Variants in PTPRD observed in about 807,000 individuals in gnomAD.
PTPRD encodes receptor-type tyrosine-protein phosphatase delta.
Under a neutral mutation model 214.5 loss-of-function variants are expected in PTPRD, and 34 were observed. The observed-to-expected ratio is 0.16, with a 90% CI of 0.12 to 0.21. PTPRD has a LOEUF of 0.21. PTPRD is among the 10% of genes least tolerant of loss of function. The probability of loss-of-function intolerance (pLI) is 1.00; values close to 1 mark genes in which losing one functional copy is unlikely to be tolerated. For synonymous variants in PTPRD, 1,128 were observed against 845.7 expected (o/e 1.33, Z -5.79); for missense variants, 2,545 against 2,398.7 (o/e 1.06, Z -1.27).
At chr9:8,934,479 A>ATT (rs1567100134) in intron 11 of PTPRD, among the ~76,000 whole-genome samples, 3 of 4,244 alleles carry the variant, frequency 7.1e-4, no homozygotes, top group African/African-American at 1.8e-3. Context: ...ATATATATAA[A>ATT]TATATATATA....
chr9:10,355,145 A>C (rs930239568), intron 2 of PTPRD, among the ~76,000 whole-genome samples: 4 of 152,178 alleles, frequency 2.6e-5, no homozygotes, highest in African/African-American at 9.7e-5. Flanking sequence ...AATTCTACAA[A>C]ATTTTGACAT....
intron 3 of PTPRD, among the ~76,000 whole-genome samples, chr9:10,261,976 T>C (rs1446435205): frequency 6.6e-6 from 1 of 152,096 alleles, no homozygotes; most frequent in Non-Finnish European, 1.5e-5. Context: ...GGAATTAATA[T>C]GTCCAACAAA....
intron 2 of PTPRD, among the ~76,000 whole-genome samples, chr9:10,504,090 TG>T (rs1386002163): frequency 1.1e-5 from 1 of 88,404 alleles, no homozygotes; most frequent in Non-Finnish European, 2.0e-5. Flanking sequence ...CACTCCAGCA[TG>T]GGGCACAGAG....
At chr9:9,101,579 T>C (rs2099791419) in intron 10 of PTPRD, among the ~76,000 whole-genome samples, 1 of 152,154 alleles carries the variant, frequency 6.6e-6, no homozygotes, top group African/African-American at 2.4e-5. Flanking sequence ...ATAGGAAAAC[T>C]AATAAGAGAA....
chr9:10,001,018 G>T (rs191638988), intron 4 of PTPRD, among the ~76,000 whole-genome samples: 1 of 152,166 alleles, frequency 6.6e-6, no homozygotes, highest in Non-Finnish European at 1.5e-5. Context: ...TTTCGCAGCA[G>T]CACACAGGGT....
chr9:8,352,766 A>G (rs749290112), intron 39 of PTPRD, among the ~76,000 whole-genome samples: 3 of 152,166 alleles, frequency 2.0e-5, no homozygotes, highest in Non-Finnish European at 4.4e-5. Context: ...CACACAGACA[A>G]GATTTTACTA....
At chr9:8,833,241 T>G (rs2097335375) in intron 11 of PTPRD, among the ~76,000 whole-genome samples, 2 of 152,126 alleles carry the variant, frequency 1.3e-5, no homozygotes, top group Admixed American at 1.3e-4. Context: ...TGGACAGTAT[T>G]CTACTACCCC....
chr9:9,769,278 G>A (rs1447722171), intron 5 of PTPRD, among the ~76,000 whole-genome samples: 2 of 147,936 alleles, frequency 1.4e-5, no homozygotes, highest in Non-Finnish European at 3.0e-5. Flanking sequence ...CTTACAGGGT[G>A]GACAAGATAT....
intron 8 of PTPRD, among the ~76,000 whole-genome samples, chr9:9,487,395 C>A (rs950790313): frequency 6.6e-6 from 1 of 152,070 alleles, no homozygotes; most frequent in African/African-American, 2.4e-5. Flanking sequence ...CGAACTCATC[C>A]TTTTTTATGG....
Position 9,710,964 on chromosome 9 carries a change from G to A in PTPRD, c.-287+23569C>T, listed in dbSNP as rs576502099. Among the ~76,000 whole-genome samples, 6 of 151,856 alleles carry A rather than the reference G, an allele frequency of 4.0e-5. No homozygotes were observed. In the East Asian group the frequency reaches 9.7e-4, roughly 25 times the overall value. On this transcript the variant is annotated intron_variant, in intron 7 of 45. Coordinates refer to ENST00000381196, the MANE Select transcript of PTPRD (RefSeq NM_002839.4). ...ATGGTCCTAGTCTGAGAGCGAGCGA[G>A]CGAGAGAGAGCGTGTGTGTGTGTGT...
At chr9:10,129,098 C>T (rs1226558997) in intron 3 of PTPRD, among the ~76,000 whole-genome samples, 2 of 152,128 alleles carry the variant, frequency 1.3e-5, no homozygotes, top group African/African-American at 2.4e-5. Flanking sequence ...TGTATTTCAA[C>T]TCCTGATATG....
At chr9:8,376,551 A>C in intron 38 of PTPRD, 56 bp downstream of exon 38, 1 of 1,608,558 alleles carries the variant, frequency 6.2e-7, no homozygotes, top group Non-Finnish European at 8.5e-7. Context: ...TCTCAAAAGA[A>C]GCTTTCTTTA....
At chr9:10,435,317 A>G (rs986477471) in intron 2 of PTPRD, among the ~76,000 whole-genome samples, 1 of 151,926 alleles carries the variant, frequency 6.6e-6, no homozygotes, top group Non-Finnish European at 1.5e-5. Context: ...AAGGTATCCT[A>G]ATAGCACTTT....
intron 5 of PTPRD, among the ~76,000 whole-genome samples, chr9:9,833,520 T>C (rs1050201380): frequency 2.0e-5 from 3 of 151,732 alleles, no homozygotes; most frequent in East Asian, 3.9e-4. Flanking sequence ...ACCATTGTCA[T>C]TGATAACATC....
rs956052055 is a variant in PTPRD at position 9,989,562 on chromosome 9, G to A, written c.-472+44156C>T. Reference sequence around the variant, plus strand: ...CCCTTCTAGCTCCCCTTCTTGCCGAGAGCCACTTCCTCTGCTCACTAAAAT... The same window carrying A: ...CCCTTCTAGCTCCCCTTCTTGCCGAAAGCCACTTCCTCTGCTCACTAAAAT... On this transcript the variant is annotated intron_variant, in intron 4 of 45. Coordinates refer to ENST00000381196, the MANE Select transcript of PTPRD (RefSeq NM_002839.4). Among the ~76,000 whole-genome samples the A allele has an allele frequency of 1.6e-4, 24 of 152,094 alleles. 1 individual carries two copies. The highest frequency in any genetic ancestry group is 1.2e-3 in the Admixed American group (18 of 15,276).
At chr9:9,955,497 T>G (rs1267350011) in intron 4 of PTPRD, among the ~76,000 whole-genome samples, 1 of 151,006 alleles carries the variant, frequency 6.6e-6, no homozygotes, top group African/African-American at 2.4e-5. Context: ...GATATTTGGG[T>G]TTTCGTTTTT....
At chr9:9,974,577 C>T (rs2095281786) in intron 4 of PTPRD, among the ~76,000 whole-genome samples, 1 of 152,116 alleles carries the variant, frequency 6.6e-6, no homozygotes, top group African/African-American at 2.4e-5. Flanking sequence ...TGAATCTAGA[C>T]CTAATTACCC....
intron 4 of PTPRD, among the ~76,000 whole-genome samples, chr9:9,959,046 C>T (rs1009144557): frequency 5.3e-5 from 8 of 152,162 alleles, no homozygotes; most frequent in Non-Finnish European, 8.8e-5. Flanking sequence ...CAAAACCTTC[C>T]TGCAAAAGTT....
At chr9:8,944,178 A>G (rs1328263448) in intron 11 of PTPRD, among the ~76,000 whole-genome samples, 1 of 152,160 alleles carries the variant, frequency 6.6e-6, no homozygotes, top group Non-Finnish European at 1.5e-5. Context: ...CATCAGAGAA[A>G]TGTAAATCAA....
Sources: allele counts gnomAD v4.1 joint callset (sites outside exome capture counted in the v4.1 genomes callset), GRCh38; gene constraint gnomAD v4.1.1; transcripts MANE v1.5; gene names NCBI Gene and HGNC (gene_info 2026-07-23, HGNC 2026-07-21).